Variants in TANGO6 observed in about 807,000 individuals in gnomAD.
The protein encoded by TANGO6 is transport and golgi organization 6 homolog.
In TANGO6, 90 loss-of-function variants were observed where a neutral mutation model predicts 114.2. The ratio of observed to expected loss-of-function variants is 0.79; its 90% CI spans 0.66 to 0.94. TANGO6 has a LOEUF of 0.94. TANGO6 is among the 40% of genes least tolerant of loss of function. The pLI, the probability that TANGO6 is intolerant of heterozygous loss-of-function variation, is 0.00. For synonymous variants in TANGO6, 477 were observed against 509.8 expected (o/e 0.94, Z 0.87); for missense variants, 1,274 against 1,315.3 (o/e 0.97, Z 0.49).
intron 7 of TANGO6, among the ~76,000 whole-genome samples, chr16:68,882,946 A>T (rs1351206019): frequency 6.6e-6 from 1 of 152,152 alleles, no homozygotes; most frequent in Non-Finnish European, 1.5e-5. Context: ...TGAACCCGGG[A>T]GGCGGAGGTT....
intron 15 of TANGO6, among the ~76,000 whole-genome samples, chr16:69,020,921 TGTGTGTGTGTGTGTGTGTGTG>T (rs1391900941): frequency 2.0e-5 from 3 of 150,804 alleles, no homozygotes; most frequent in African/African-American, 7.3e-5. Flanking sequence ...TGTGTGTGTG[TGTGTGTGTGTGTGTGTGTGTG>T]GTGTGTGTGT....
chr16:68,923,379 A>G (rs1351287750), intron 12 of TANGO6, among the ~76,000 whole-genome samples: 2 of 152,162 alleles, frequency 1.3e-5, no homozygotes, highest in Non-Finnish European at 2.9e-5. Context: ...GCAAACGATT[A>G]GAGGCTGGGG....
chr16:68,959,722 A>G (rs1315697890), intron 14 of TANGO6, among the ~76,000 whole-genome samples: 3 of 152,206 alleles, frequency 2.0e-5, no homozygotes, highest in Non-Finnish European at 4.4e-5. Context: ...TTTTCTCAGG[A>G]CACTTGGAGG....
At chr16:69,053,991 G>A (rs1238735642) in intron 17 of TANGO6, among the ~76,000 whole-genome samples, 3 of 152,104 alleles carry the variant, frequency 2.0e-5, no homozygotes, top group African/African-American at 2.4e-5. Context: ...CTAGAACCCC[G>A]GGGATGGAGG....
rs374133410 is a variant in TANGO6, at chr16:68,988,561, ACCCATTTTCT to A, written c.2842+14402_2842+14411del. 5.3e-3 allele frequency among the ~76,000 whole-genome samples: 803 copies of A among 152,032 alleles called. 2 individuals carry two copies. The highest frequency in any genetic ancestry group is 0.016 in the South Asian group (77 of 4,814). On this transcript the variant is annotated intron_variant, in intron 15 of 17. Coordinates refer to ENST00000261778, the MANE Select transcript of TANGO6 (RefSeq NM_024562.2). ...AAAAAATCCTAAGAAATTTTTGTTT[ACCCATTTTCT>A]CCCATTTTTTCTTCTAGAATGTTAA...
intron 14 of TANGO6, among the ~76,000 whole-genome samples, chr16:68,972,205 G>T (rs1165664084): frequency 6.6e-6 from 1 of 152,008 alleles, no homozygotes; most frequent in Non-Finnish European, 1.5e-5. Context: ...ACCACATGCA[G>T]AGATTTCCCA....
intron 1 of TANGO6, chr16:68,846,422 C>A: frequency 3.7e-6 from 1 of 272,128 alleles, no homozygotes; most frequent in Non-Finnish European, 7.3e-6. Flanking sequence ...CCTAGACTCA[C>A]ATAGATATGT....
At chr16:68,850,511 G>C (rs1961884492) in intron 1 of TANGO6, among the ~76,000 whole-genome samples, 4 of 151,918 alleles carry the variant, frequency 2.6e-5, no homozygotes, top group Admixed American at 2.6e-4. Context: ...CTGTTTAAGG[G>C]GTTTTTGTTT....
chr16:69,084,030 C>A lies in TANGO6; in HGVS notation c.*369C>A. On this transcript the variant is annotated 3_prime_UTR_variant, in exon 18 of 18. Transcript: ENST00000261778. ...AACTTGAGGAGAAGCGGTTGGCCAC[C>A]CATATGTCACCTAGCTCTATATTCT... 6.0e-6 allele frequency: 1 copy of A among 167,858 alleles called. No homozygotes were observed. The highest frequency in any genetic ancestry group is 1.3e-5 in the Non-Finnish European group (1 of 78,072). 10.4% of individuals were successfully genotyped at this position (167,858 alleles called of 1,614,324 possible). A position where few individuals can be genotyped will look rare whatever the true frequency, so the allele number is the denominator to read the frequency against.
chr16:68,999,201 C>T (rs1964018704), intron 15 of TANGO6, among the ~76,000 whole-genome samples: 1 of 152,118 alleles, frequency 6.6e-6, no homozygotes, highest in African/African-American at 2.4e-5. Flanking sequence ...CTTGTATAAG[C>T]CTTGAGTCCA....
At chr16:69,080,731 A>G (rs76360715) in intron 17 of TANGO6, among the ~76,000 whole-genome samples, 6,160 of 152,316 alleles carry the variant, frequency 0.04, 236 homozygotes, top group Non-Finnish European at 0.051. Flanking sequence ...TTCAATAAAA[A>G]TAAAAAATAA....
At chr16:68,901,490 T>C (rs577234466) in intron 8 of TANGO6, among the ~76,000 whole-genome samples, 8 of 152,220 alleles carry the variant, frequency 5.3e-5, no homozygotes, top group African/African-American at 1.9e-4. Flanking sequence ...AAAATAACTC[T>C]TGTTTTTGTT....
intron 14 of TANGO6, among the ~76,000 whole-genome samples, chr16:68,963,107 A>T (rs914159015): frequency 6.7e-6 from 1 of 149,358 alleles, no homozygotes; most frequent in African/African-American, 2.4e-5. Context: ...AAAAAAAAAA[A>T]GCTTGTCCTT....
chr16:68,953,186 C>G (rs112552122), intron 14 of TANGO6, among the ~76,000 whole-genome samples: 1 of 151,796 alleles, frequency 6.6e-6, no homozygotes, highest in African/African-American at 2.4e-5. Context: ...CAGGTTCGAG[C>G]GATTCTCCTG....
At chr16:69,024,055 C>T (rs1207934625) in intron 16 of TANGO6, among the ~76,000 whole-genome samples, 1 of 151,424 alleles carries the variant, frequency 6.6e-6, no homozygotes. Context: ...CCATGTGTCA[C>T]CACACCTGGC....
chr16:68,989,531 T>G (rs1963928696), intron 15 of TANGO6, among the ~76,000 whole-genome samples: 1 of 152,210 alleles, frequency 6.6e-6, no homozygotes, highest in South Asian at 2.1e-4. Context: ...TTTTCCTTTA[T>G]TTCATTAAGC....
At chr16:68,979,142 AC>A (rs1963797140) in intron 15 of TANGO6, among the ~76,000 whole-genome samples, 1 of 151,430 alleles carries the variant, frequency 6.6e-6, no homozygotes, top group African/African-American at 2.4e-5. Context: ...GCTGATCCCG[AC>A]CCCCTGGGCT....
At position 68,862,973 on chromosome 16, in the gene TANGO6, C is replaced by T. The variant is rs1029906567; in HGVS notation, c.764C>T (p.Ser255Phe). 1 of 1,598,698 alleles carries T rather than the reference C, an allele frequency of 6.3e-7. No homozygotes were observed. Among genetic ancestry groups the T allele is most frequent in the African/African-American group, 1.3e-5 (1 of 74,654 alleles). The part of the protein sequence containing the change: ...EVLTEEERTL[S>F]RGALRDMLDQ... ...CTAACTGAAGAGGAGAGAACCCTAT[C>T]CAGGGGGGCCTTGAGAGACATGCTG... Residue 255 changes from serine (S) to phenylalanine (F), a missense_variant, in exon 3 of 18, where the codon TCC becomes TTC. This residue lies in a region of TANGO6 where 908 missense variants were observed against 910.2 expected (regional missense o/e 1.00). Transcript: ENST00000261778.
At chr16:69,039,020 C>T (rs1339034154) in intron 16 of TANGO6, among the ~76,000 whole-genome samples, 1 of 152,118 alleles carries the variant, frequency 6.6e-6, no homozygotes, top group African/African-American at 2.4e-5. Flanking sequence ...CCCTTCTCTA[C>T]TAAAAATACA....
Sources: allele counts gnomAD v4.1 joint callset (sites outside exome capture counted in the v4.1 genomes callset), GRCh38; gene constraint gnomAD v4.1.1; regional missense constraint gnomAD v4.1.1; transcripts MANE v1.5; gene names NCBI Gene and HGNC (gene_info 2026-07-23, HGNC 2026-07-21).